Variants in ATXN7 observed in about 807,000 individuals in gnomAD.
The protein encoded by ATXN7 is ataxin 7.
In ATXN7, 12 loss-of-function variants were observed where a neutral mutation model predicts 70.5. The observed-to-expected ratio is 0.17, with a 90% confidence interval of 0.11 to 0.28. ATXN7 has a LOEUF of 0.28. ATXN7 is among the 10% of genes least tolerant of loss of function. The probability of loss-of-function intolerance (pLI) is 1.00; values close to 1 mark genes in which losing one functional copy is unlikely to be tolerated. For missense variants in ATXN7, 1,256 were observed against 1,131.7 expected (o/e 1.11, Z -1.58); for synonymous variants, 498 against 448.7 (o/e 1.11, Z -1.39).
intron 1 of ATXN7, among the ~76,000 whole-genome samples, chr3:63,892,019 A>G (rs1703282038): frequency 6.6e-6 from 1 of 152,172 alleles, no homozygotes; most frequent in Non-Finnish European, 1.5e-5. Flanking sequence ...CCTCACTTAC[A>G]AGTATTCTTT....
intron 1 of ATXN7, among the ~76,000 whole-genome samples, chr3:63,897,415 A>G (rs1703479006): frequency 6.6e-6 from 1 of 152,206 alleles, no homozygotes. Context: ...AAACCTAATA[A>G]AGATAATTAT....
chr3:63,957,738 G>T (rs1207744288), intron 5 of ATXN7, among the ~76,000 whole-genome samples: 1 of 152,184 alleles, frequency 6.6e-6, no homozygotes, highest in African/African-American at 2.4e-5. Flanking sequence ...GATTGGAAAG[G>T]GAGTAAGTTT....
intron 4 of ATXN7, among the ~76,000 whole-genome samples, chr3:63,949,647 C>A (rs2074921955): frequency 6.6e-6 from 1 of 152,218 alleles, no homozygotes; most frequent in Non-Finnish European, 1.5e-5. Context: ...ATCCGCCTTC[C>A]TCGGCCTCCC....
At chr3:63,893,025 T>C (rs1041334269) in intron 1 of ATXN7, among the ~76,000 whole-genome samples, 1 of 152,204 alleles carries the variant, frequency 6.6e-6, no homozygotes, top group Non-Finnish European at 1.5e-5. Context: ...AGCTCAACTC[T>C]AACATGCACT....
intron 7 of ATXN7, 186 bp from the exon 8 acceptor site, chr3:63,982,753 C>A: frequency 3.3e-6 from 2 of 613,642 alleles, no homozygotes; most frequent in Non-Finnish European, 5.7e-6. Context: ...GTAGTCACCC[C>A]CTGTCTTAGT....
At chr3:63,998,189 A>ATT (rs2075790403) in intron 12 of ATXN7, 1 of 708,678 alleles carries the variant, frequency 1.4e-6, no homozygotes, top group Non-Finnish European at 1.6e-6. Flanking sequence ...ACAAGTAACA[A>ATT]AAAGGACAGA....
At position 63,863,912 on chromosome 3, in the gene ATXN7, C is replaced by A; in HGVS notation, c.-357C>A. 9.9e-7 allele frequency: 1 copy of A among 1,006,888 alleles called. No individual in the cohort carries two copies. The highest frequency in any genetic ancestry group is 1.2e-6 in the Non-Finnish European group (1 of 830,226). 62.4% of individuals were successfully genotyped at this position (1,006,888 alleles called of 1,614,324 possible). A position where few individuals can be genotyped will look rare whatever the true frequency, so the allele number is the denominator to read the frequency against. ...GCCATGGAGGAGGAGGCGGCGGCGCCCGCGGCCGCCTGCTCCGACGCCTGA... is the reference window on the plus strand; with the variant it reads ...GCCATGGAGGAGGAGGCGGCGGCGCACGCGGCCGCCTGCTCCGACGCCTGA... On this transcript the variant is annotated 5_prime_UTR_variant, in exon 1 of 13. Transcript: ENST00000674280.
At chr3:63,971,657 G>A (rs972402854) in intron 5 of ATXN7, among the ~76,000 whole-genome samples, 5 of 152,096 alleles carry the variant, frequency 3.3e-5, no homozygotes, top group African/African-American at 9.6e-5. Context: ...TTTAATATTC[G>A]TGAGAAAAAA....
intron 12 of ATXN7, chr3:63,997,589 C>G (rs1436408090): frequency 6.5e-7 from 1 of 1,531,198 alleles, no homozygotes; most frequent in Admixed American, 2.0e-5. Context: ...TAACTTCCAG[C>G]TCATCTCTCA....
intron 5 of ATXN7, among the ~76,000 whole-genome samples, chr3:63,978,586 T>C (rs1055883256): frequency 6.6e-6 from 1 of 152,244 alleles, no homozygotes; most frequent in African/African-American, 2.4e-5. Context: ...TTTTATTCCT[T>C]ATACACAGCT....
At chr3:63,892,482 C>T (rs757671006) in intron 1 of ATXN7, among the ~76,000 whole-genome samples, 1 of 149,646 alleles carries the variant, frequency 6.7e-6, no homozygotes, top group Non-Finnish European at 1.5e-5. Context: ...CACACACACA[C>T]ACACACACAC....
At chr3:63,966,723 A>T (rs1030864615) in intron 5 of ATXN7, among the ~76,000 whole-genome samples, 1 of 152,202 alleles carries the variant, frequency 6.6e-6, no homozygotes, top group East Asian at 1.9e-4. Context: ...AGCCGTTTTC[A>T]TGCCTCTCTC....
chr3:63,955,313 A>G (rs889362968), intron 5 of ATXN7, among the ~76,000 whole-genome samples: 2 of 152,096 alleles, frequency 1.3e-5, no homozygotes, highest in African/African-American at 4.8e-5. Context: ...GCTCTGAGAG[A>G]GGGATTCTGC....
chr3:63,884,540 C>T (rs1703023808), intron 1 of ATXN7, among the ~76,000 whole-genome samples: 3 of 151,794 alleles, frequency 2.0e-5, no homozygotes, highest in Non-Finnish European at 4.4e-5. Context: ...GATAAATAAG[C>T]AAATGGGAGA....
chr3:63,865,949 A>G (rs1368807001), intron 1 of ATXN7, among the ~76,000 whole-genome samples: 1 of 149,128 alleles, frequency 6.7e-6, no homozygotes, highest in African/African-American at 2.5e-5. Flanking sequence ...ATGTGGTGAA[A>G]AGTTTTTTTT....
chr3:63,952,573 A>C (rs1203612988), intron 5 of ATXN7, 90 bp downstream of exon 5: 1 of 769,818 alleles, frequency 1.3e-6, no homozygotes. Flanking sequence ...TGCATGGGAC[A>C]TAATGTCCCT....
chr3:63,988,393 G>T (rs2075613011), intron 9 of ATXN7, 69 bp downstream of exon 9: 2 of 1,581,084 alleles, frequency 1.3e-6, no homozygotes, highest in Admixed American at 1.7e-5. Flanking sequence ...TAAAATTTCA[G>T]TATGGTCATG....
At chr3:63,987,091 C>G (rs1399545845) in intron 8 of ATXN7, among the ~76,000 whole-genome samples, 1 of 152,188 alleles carries the variant, frequency 6.6e-6, no homozygotes, top group East Asian at 1.9e-4. Flanking sequence ...GACTCAACTG[C>G]CAATAAGATT....
chr3:63,918,977 G>C (rs986588179), intron 4 of ATXN7, among the ~76,000 whole-genome samples: 1 of 152,144 alleles, frequency 6.6e-6, no homozygotes, highest in Non-Finnish European at 1.5e-5. Flanking sequence ...GCTCCTGTGC[G>C]TGTCTCCTTC....
Sources: allele counts gnomAD v4.1 joint callset (sites outside exome capture counted in the v4.1 genomes callset), GRCh38; gene constraint gnomAD v4.1.1; transcripts MANE v1.5; gene names NCBI Gene and HGNC (gene_info 2026-07-23, HGNC 2026-07-21).